KIAA1671: variants seen among roughly 807,000 people sequenced by gnomAD.
KIAA1671 encodes the protein KIAA1671.
A neutral mutation model predicts 131.2 loss-of-function variants in KIAA1671; 52 were observed. That is an observed-to-expected ratio of 0.40 (90% CI 0.32 to 0.50). KIAA1671 has a LOEUF of 0.50. Ranked by LOEUF, KIAA1671 falls within the 20% of genes least tolerant of loss-of-function variation. The pLI, the probability that KIAA1671 is intolerant of heterozygous loss-of-function variation, is 0.73. For synonymous variants in KIAA1671, 1,003 were observed against 961.6 expected (o/e 1.04, Z -0.80); for missense variants, 2,360 against 2,364.2 (o/e 1.00, Z 0.04).
rs1678820397 is a variant in KIAA1671 at position 25,028,751 on chromosome 22, T to C, written c.752T>C (p.Ile251Thr). Residue 251 changes from isoleucine to threonine, a missense_variant, in exon 3 of 13, where the codon ATT becomes ACT. Physicochemically the swap from Ile to Thr is moderately conservative, Grantham distance 89. Transcript: ENST00000358431. ...GTGTCTGCCATTTTCACGGAGTCCA[T>C]TCAGCCTCAGAAGCCAGGCCCCGGC... The part of the protein sequence containing the change: ...RPVSAIFTES[I>T]QPQKPGPGAA... 1.3e-6 allele frequency: 2 copies of C among 1,551,296 alleles called. No individual in the cohort carries two copies. Among genetic ancestry groups the C allele is most frequent in the Non-Finnish European group, 1.7e-6 (2 of 1,147,018 alleles).
chr22:25,093,395 G>T (rs527397908), intron 6 of KIAA1671, among the ~76,000 whole-genome samples: 13 of 152,254 alleles, frequency 8.5e-5, no homozygotes, highest in African/African-American at 2.9e-4. Flanking sequence ...AACCCCTATA[G>T]AGTGCCTAGC....
At chr22:25,136,073 G>A (rs1374164973) in intron 6 of KIAA1671, among the ~76,000 whole-genome samples, 1 of 152,236 alleles carries the variant, frequency 6.6e-6, no homozygotes, top group East Asian at 1.9e-4. Context: ...CAGGAGCACA[G>A]CCTATCCCAG....
At chr22:24,964,027 C>A (rs1007385470) in intron 1 of KIAA1671, among the ~76,000 whole-genome samples, 1 of 151,340 alleles carries the variant, frequency 6.6e-6, no homozygotes, top group African/African-American at 2.4e-5. Flanking sequence ...ATAATGTTAT[C>A]TGTAGTAAAA....
intron 1 of KIAA1671, among the ~76,000 whole-genome samples, chr22:24,962,824 C>G (rs1050557306): frequency 6.6e-6 from 1 of 152,138 alleles, no homozygotes; most frequent in African/African-American, 2.4e-5. Context: ...GCGCTTTCCC[C>G]CTTCTGCTGT....
At chr22:25,036,324 C>T (rs1049336094) in intron 4 of KIAA1671, among the ~76,000 whole-genome samples, 8 of 152,060 alleles carry the variant, frequency 5.3e-5, no homozygotes, top group Non-Finnish European at 8.8e-5. Flanking sequence ...AGGTGATCCA[C>T]CCGCCTCGGC....
At chr22:25,045,257 C>G (rs1184908483) in intron 5 of KIAA1671, among the ~76,000 whole-genome samples, 1 of 152,192 alleles carries the variant, frequency 6.6e-6, no homozygotes, top group African/African-American at 2.4e-5. Context: ...GGGAACACCC[C>G]TCTAGGCCCA....
At chr22:25,147,859 G>A (rs964155627) in intron 6 of KIAA1671, among the ~76,000 whole-genome samples, 2 of 152,110 alleles carry the variant, frequency 1.3e-5, no homozygotes, top group African/African-American at 4.8e-5. Context: ...GTAACAACTC[G>A]AAGAGGCGAG....
At chr22:24,974,305 G>A (rs1486948466) in intron 1 of KIAA1671, among the ~76,000 whole-genome samples, 1 of 152,094 alleles carries the variant, frequency 6.6e-6, no homozygotes, top group Non-Finnish European at 1.5e-5. Context: ...ATGTGATGAT[G>A]GTGACAGGTA....
chr22:24,971,060 T>C (rs6004375), intron 1 of KIAA1671, among the ~76,000 whole-genome samples: 31,214 of 152,208 alleles, frequency 0.21, 4,051 homozygotes, highest in African/African-American at 0.36. Context: ...CGGATTCAAG[T>C]GATTCTCCTG....
intron 1 of KIAA1671, among the ~76,000 whole-genome samples, chr22:24,955,424 T>G (rs1188332498): frequency 6.6e-6 from 1 of 151,794 alleles, no homozygotes; most frequent in African/African-American, 2.4e-5. Context: ...GGTCAGAGAG[T>G]TTAGTTTTCT....
chr22:25,172,183 C>T (rs1185337336), intron 7 of KIAA1671, among the ~76,000 whole-genome samples: 1 of 152,084 alleles, frequency 6.6e-6, no homozygotes, highest in Admixed American at 6.5e-5. Context: ...TGGTTTTGCA[C>T]ATGTCACTGT....
chr22:25,118,892 T>C (rs1931805790), intron 6 of KIAA1671, among the ~76,000 whole-genome samples: 1 of 152,174 alleles, frequency 6.6e-6, no homozygotes, highest in Admixed American at 6.6e-5. Flanking sequence ...TTCCCTCTGC[T>C]GAAATGCCCT....
At chr22:25,185,391 G>A in intron 11 of KIAA1671, 1 of 417,360 alleles carries the variant, frequency 2.4e-6, no homozygotes, top group Non-Finnish European at 4.2e-6. Context: ...GGGCACCATT[G>A]CTGGAGAACT....
At chr22:25,017,169 G>T (rs7291847) in intron 1 of KIAA1671, among the ~76,000 whole-genome samples, 18 of 151,610 alleles carry the variant, frequency 1.2e-4, no homozygotes, top group African/African-American at 3.1e-4. Context: ...GATCACCTGA[G>T]GTCAGGAGTT....
In KIAA1671 at chr22:25,187,945, A is replaced by T. The variant is rs571698154; in HGVS notation, c.5343-2757A>T. Among the ~76,000 whole-genome samples, 193 of 152,330 alleles carry T rather than the reference A, an allele frequency of 1.3e-3. 3 individuals carry two copies. In the South Asian group the frequency reaches 0.032, roughly 25 times the overall value. ...TACTCAGATGTATTCACTTTGAGAA[A>T]ATTCATTGAGCTGTGCACATTTTGA... On this transcript the variant is annotated intron_variant, in intron 11 of 12. Coordinates refer to ENST00000358431, the MANE Select transcript of KIAA1671 (RefSeq NM_001145206.2).
At chr22:25,017,739 C>T (rs1925405399) in intron 1 of KIAA1671, among the ~76,000 whole-genome samples, 1 of 152,124 alleles carries the variant, frequency 6.6e-6, no homozygotes, top group African/African-American at 2.4e-5. Flanking sequence ...CCCAGGTAAA[C>T]CAGAAGGTGG....
chr22:25,178,842 G>C (rs2315002), intron 9 of KIAA1671, among the ~76,000 whole-genome samples: 1 of 150,292 alleles, frequency 6.7e-6, no homozygotes, highest in Admixed American at 6.6e-5. Context: ...ACCATCACCC[G>C]CCTCCCCCGT....
At chr22:25,174,197 C>T (rs1021277382) in intron 7 of KIAA1671, 43 bp from the exon 8 acceptor site, 8 of 1,541,486 alleles carry the variant, frequency 5.2e-6, no homozygotes, top group East Asian at 4.9e-5. Context: ...TTCTCTGAAA[C>T]GTTCTCCATA....
At chr22:25,155,572 G>A (rs949675292) in intron 6 of KIAA1671, among the ~76,000 whole-genome samples, 2 of 151,752 alleles carry the variant, frequency 1.3e-5, no homozygotes, top group Non-Finnish European at 2.9e-5. Context: ...AGATGTTTGT[G>A]TGTGTACATT....
Sources: allele counts gnomAD v4.1 joint callset (sites outside exome capture counted in the v4.1 genomes callset), GRCh38; gene constraint gnomAD v4.1.1; transcripts MANE v1.5; gene names NCBI Gene and HGNC (gene_info 2026-07-23, HGNC 2026-07-21).